ANKS1B: variants seen among roughly 807,000 people sequenced by gnomAD.
ANKS1B encodes the protein ankyrin repeat and sterile alpha motif domain-containing protein 1B.
ANKS1B carries 36 observed loss-of-function variants against 148.3 expected under a neutral mutation model. The ratio of observed to expected loss-of-function variants is 0.24; its 90% CI spans 0.19 to 0.32. The LOEUF is 0.32. ANKS1B is among the 10% of genes least tolerant of loss of function. The probability of loss-of-function intolerance (pLI) is 1.00; values close to 1 mark genes in which losing one functional copy is unlikely to be tolerated. For missense variants in ANKS1B, 1,157 were observed against 1,542.6 expected, an observed-to-expected ratio of 0.75 and a Z score of 4.19; for synonymous variants, 542 against 560.8, an observed-to-expected ratio of 0.97 and a Z score of 0.47.
At chr12:98,841,244 T>C (rs1393773291) in intron 17 of ANKS1B, among the ~76,000 whole-genome samples, 1 of 152,134 alleles carries the variant, frequency 6.6e-6, no homozygotes, top group Non-Finnish European at 1.5e-5. Flanking sequence ...CATATATCCA[T>C]ATAAAATAAA....
At chr12:99,080,869 C>T (rs931026825) in intron 16 of ANKS1B, among the ~76,000 whole-genome samples, 1 of 152,046 alleles carries the variant, frequency 6.6e-6, no homozygotes, top group Non-Finnish European at 1.5e-5. Context: ...TCTTGTGGAA[C>T]TTTGGGTTTG....
At chr12:99,749,685 C>G (rs1366050959) in intron 8 of ANKS1B, among the ~76,000 whole-genome samples, 1 of 151,920 alleles carries the variant, frequency 6.6e-6, no homozygotes, top group Non-Finnish European at 1.5e-5. Flanking sequence ...GACCTAAAGT[C>G]TGAACACAAG....
Position 99,694,064 on chromosome 12 carries a change from C to A in ANKS1B, c.1129-38854G>T, listed in dbSNP as rs529128991. Among the ~76,000 whole-genome samples the A allele has an allele frequency of 4.1e-5, 6 of 148,140 alleles. No homozygotes were observed. In the East Asian group the frequency reaches 8.5e-4, roughly 21 times the overall value. On this transcript the variant is annotated intron_variant, in intron 8 of 26. Coordinates refer to ENST00000683438, the MANE Select transcript of ANKS1B (RefSeq NM_001352186.2). ...AAAGTGCTGGGATTACAGGCGTGAG[C>A]CACCATGCCCAGCCCTTTTTTGGAC...
chr12:99,639,502 G>C (rs990340751), intron 9 of ANKS1B, among the ~76,000 whole-genome samples: 2 of 152,050 alleles, frequency 1.3e-5, no homozygotes, highest in Non-Finnish European at 2.9e-5. Context: ...GGAATGATAT[G>C]GTTTGCTTGT....
intron 14 of ANKS1B, among the ~76,000 whole-genome samples, chr12:99,171,065 G>A (rs868610219): frequency 5.3e-4 from 80 of 152,320 alleles, no homozygotes; most frequent in African/African-American, 1.7e-3. Context: ...GTGTCTATGT[G>A]AGCCTGCCTT....
At chr12:99,121,318 G>GGGGTGTGTGTGTGTGTGTGT (rs796549235) in intron 15 of ANKS1B, among the ~76,000 whole-genome samples, 8,165 of 105,638 alleles carry the variant, frequency 0.077, 506 homozygotes, top group East Asian at 0.14. Flanking sequence ...TGTGTATGTA[G>GGGGTGTGTGTGTGTGTGTGT]GTATGTGTGT....
chr12:99,583,560 A>T (rs1316478084), intron 9 of ANKS1B, among the ~76,000 whole-genome samples: 1 of 152,230 alleles, frequency 6.6e-6, no homozygotes, highest in Non-Finnish European at 1.5e-5. Flanking sequence ...TTACTCCATT[A>T]ATAAATGACT....
intron 1 of ANKS1B, among the ~76,000 whole-genome samples, chr12:99,937,831 T>A (rs186097272): frequency 6.6e-6 from 1 of 152,246 alleles, no homozygotes; most frequent in East Asian, 1.9e-4. Context: ...TAACACATTG[T>A]CTAGTAGGTG....
At chr12:99,927,351 C>G (rs1410738108) in intron 1 of ANKS1B, among the ~76,000 whole-genome samples, 2 of 152,138 alleles carry the variant, frequency 1.3e-5, no homozygotes, top group East Asian at 3.8e-4. Flanking sequence ...TAAATCATTA[C>G]AGAAATCTGT....
chr12:99,183,792 G>A (rs185985403), intron 14 of ANKS1B, among the ~76,000 whole-genome samples: 28 of 152,166 alleles, frequency 1.8e-4, no homozygotes, highest in Admixed American at 1.4e-3. Context: ...AGGGTTATAC[G>A]GCATTGATGT....
chr12:99,366,568 T>C (rs1477572631), intron 12 of ANKS1B, among the ~76,000 whole-genome samples: 1 of 152,178 alleles, frequency 6.6e-6, no homozygotes, highest in African/African-American at 2.4e-5. Context: ...ATTGGGTATA[T>C]GACAAAGTTG....
intron 12 of ANKS1B, among the ~76,000 whole-genome samples, chr12:99,360,432 C>T (rs2092374755): frequency 6.6e-6 from 1 of 152,054 alleles, no homozygotes; most frequent in Non-Finnish European, 1.5e-5. Flanking sequence ...ATATACTATA[C>T]ATAATTGCAT....
At chr12:99,741,197 G>C (rs1365595833) in intron 8 of ANKS1B, among the ~76,000 whole-genome samples, 1 of 99,708 alleles carries the variant, frequency 1.0e-5, no homozygotes, top group Admixed American at 1.1e-4. Flanking sequence ...ACAGAGCTAG[G>C]CTCCGTCAAA....
At chr12:99,176,468 A>C (rs1429275572) in intron 14 of ANKS1B, among the ~76,000 whole-genome samples, 1 of 152,190 alleles carries the variant, frequency 6.6e-6, no homozygotes, top group Non-Finnish European at 1.5e-5. Flanking sequence ...ACCTTGATTC[A>C]GAACCATTTC....
At chr12:99,020,708 T>C (rs909277916) in intron 17 of ANKS1B, among the ~76,000 whole-genome samples, 5 of 152,158 alleles carry the variant, frequency 3.3e-5, no homozygotes, top group Non-Finnish European at 7.4e-5. Flanking sequence ...TTAAAACATA[T>C]ATACACTGTC....
intron 1 of ANKS1B, among the ~76,000 whole-genome samples, chr12:99,832,521 C>T (rs2084178014): frequency 1.3e-5 from 2 of 151,754 alleles, no homozygotes; most frequent in East Asian, 1.9e-4. Flanking sequence ...GTCAGGAGTT[C>T]GAAACCAGCC....
intron 17 of ANKS1B, among the ~76,000 whole-genome samples, chr12:98,958,376 G>C (rs139688474): frequency 1.1e-3 from 175 of 152,252 alleles, no homozygotes; most frequent in Non-Finnish European, 2.3e-3. Flanking sequence ...CTTAGAGTGA[G>C]GCTAAATGGA....
At chr12:98,927,050 G>A (rs542134503) in intron 17 of ANKS1B, among the ~76,000 whole-genome samples, 1 of 152,196 alleles carries the variant, frequency 6.6e-6, no homozygotes, top group East Asian at 1.9e-4. Flanking sequence ...AACTCAAAGA[G>A]ATCCTTACTT....
chr12:98,980,158 C>T (rs1429905920), intron 17 of ANKS1B, among the ~76,000 whole-genome samples: 1 of 152,130 alleles, frequency 6.6e-6, no homozygotes, highest in African/African-American at 2.4e-5. Context: ...AATTTCTCTC[C>T]TCATTTCATG....
Sources: gnomAD v4.1 joint callset for allele counts (sites outside exome capture counted in the v4.1 genomes callset) on GRCh38, gnomAD v4.1.1 for gene constraint, MANE v1.5 for transcripts, NCBI Gene and HGNC (gene_info 2026-07-23, HGNC 2026-07-21) for gene names.